The following SAMD4A variants were observed in gnomAD, a reference collection of about 807,000 sequenced individuals.
SAMD4A encodes sterile alpha motif domain containing 4A.
A neutral mutation model predicts 81.3 loss-of-function variants in SAMD4A; 33 were observed. The ratio of observed to expected loss-of-function variants is 0.41; its 90% confidence interval spans 0.31 to 0.54. The LOEUF is 0.54. Among genes scored for constraint, SAMD4A ranks in the 20% least tolerant of loss-of-function variants. The pLI is 0.37. For missense variants in SAMD4A, 854 were observed against 951.1 expected (o/e 0.90, Z 1.34); for synonymous variants, 389 against 382.1 (o/e 1.02, Z -0.21).
At chr14:54,751,661 T>C (rs1479172708) in intron 6 of SAMD4A, 124 bp downstream of exon 6, 1 of 715,892 alleles carries the variant, frequency 1.4e-6, no homozygotes, top group East Asian at 2.7e-5. Context: ...CTTACCAAAG[T>C]CAGAGAAAAC....
At chr14:54,634,738 TGTCTGTC>T (rs2034991524) in intron 2 of SAMD4A, among the ~76,000 whole-genome samples, 1 of 151,042 alleles carries the variant, frequency 6.6e-6, no homozygotes, top group Non-Finnish European at 1.5e-5. Flanking sequence ...TCTGTCTGTC[TGTCTGTC>T]TGTCTGTCTG....
chr14:54,698,522 C>A (rs1025852333), intron 2 of SAMD4A, among the ~76,000 whole-genome samples: 1 of 152,204 alleles, frequency 6.6e-6, no homozygotes, highest in South Asian at 2.1e-4. Context: ...ATAGGACCTA[C>A]CTCATAAGCT....
intron 2 of SAMD4A, among the ~76,000 whole-genome samples, chr14:54,687,564 A>G (rs2036307311): frequency 1.3e-5 from 2 of 152,216 alleles, no homozygotes; most frequent in South Asian, 4.1e-4. Flanking sequence ...GGTGACACAG[A>G]GCATCTGGGC....
chr14:54,737,273 G>A lies in SAMD4A; in HGVS notation c.965G>A (p.Gly322Asp). The part of the protein sequence containing the change: ...TTARNTFQEE[G>D]SGMKDVPAWL... The stretch of plus-strand genomic sequence containing the variant: ...GCTCGTAACACATTCCAAGAAGAAG[G>A]TAGTGGGATGAAAGGTGAGTGACTA... Residue 322 changes from glycine to aspartate, a missense_variant, in exon 4 of 13, where the codon GGT becomes GAT. By Grantham distance (94) the Gly-to-Asp change is moderately conservative. Around this residue, in one of 3 missense-constraint regions of SAMD4A, gnomAD observed 387 missense variants for 405.8 expected, o/e 0.95. Coordinates refer to ENST00000554335, the MANE Select transcript of SAMD4A (RefSeq NM_015589.6). 3.1e-6 allele frequency: 5 copies of A among 1,614,112 alleles called. No homozygotes were observed. Among genetic ancestry groups the A allele is most frequent in the Non-Finnish European group, 4.2e-6 (5 of 1,180,010 alleles).
chr14:54,620,728 A>G (rs545862918), intron 2 of SAMD4A, among the ~76,000 whole-genome samples: 2 of 152,322 alleles, frequency 1.3e-5, no homozygotes, highest in Admixed American at 6.5e-5. Flanking sequence ...GTAATTTAAA[A>G]TTGAACCTAG....
intron 2 of SAMD4A, among the ~76,000 whole-genome samples, chr14:54,682,345 C>T (rs9671848): frequency 0.018 from 2,713 of 152,254 alleles, 74 homozygotes; most frequent in African/African-American, 0.062. Context: ...TGAGCCATGC[C>T]TGTGTAGGAG....
chr14:54,736,947 A>T, intron 3 of SAMD4A, 77 bp from the exon 4 acceptor site: 1 of 1,506,354 alleles, frequency 6.6e-7, no homozygotes, highest in Non-Finnish European at 9.1e-7. Context: ...TCTCAGGGTT[A>T]AGAGGTATTG....
At chr14:54,632,758 A>G (rs538707266) in intron 2 of SAMD4A, among the ~76,000 whole-genome samples, 160 of 152,348 alleles carry the variant, frequency 1.1e-3, no homozygotes, top group African/African-American at 3.5e-3. Flanking sequence ...TTAGCTATGC[A>G]TCTTGGGTAA....
At chr14:54,731,749 G>A (rs1050131240) in intron 3 of SAMD4A, among the ~76,000 whole-genome samples, 6 of 152,188 alleles carry the variant, frequency 3.9e-5, no homozygotes, top group African/African-American at 1.4e-4. Flanking sequence ...TCATCTCTAT[G>A]TGGCTGGACT....
intron 2 of SAMD4A, among the ~76,000 whole-genome samples, chr14:54,679,247 G>A (rs1483642189): frequency 6.6e-6 from 1 of 152,212 alleles, no homozygotes; most frequent in Non-Finnish European, 1.5e-5. Flanking sequence ...CTGCTAGAAA[G>A]CAGACATTTA....
At chr14:54,765,482 G>C (rs969153182) in intron 8 of SAMD4A, among the ~76,000 whole-genome samples, 2 of 150,932 alleles carry the variant, frequency 1.3e-5, no homozygotes, top group Admixed American at 1.3e-4. Flanking sequence ...AAAAAGCCAG[G>C]TGTGGTGGCG....
chr14:54,634,099 A>G (rs1399116311), intron 2 of SAMD4A, among the ~76,000 whole-genome samples: 1 of 152,128 alleles, frequency 6.6e-6, no homozygotes, highest in East Asian at 1.9e-4. Context: ...CAGCCTGGCC[A>G]AGATGGTGAA....
At chr14:54,760,616 A>G (rs1208409720) in intron 7 of SAMD4A, 122 bp downstream of exon 7, 1 of 1,333,970 alleles carries the variant, frequency 7.5e-7, no homozygotes, top group African/African-American at 1.5e-5. Flanking sequence ...CATTAGCTTC[A>G]TCTTACAGAT....
At chr14:54,653,315 ATTAT>A (rs2035448683) in intron 2 of SAMD4A, among the ~76,000 whole-genome samples, 1 of 136,244 alleles carries the variant, frequency 7.3e-6, no homozygotes, top group African/African-American at 2.9e-5. Flanking sequence ...TATTATTATT[ATTAT>A]TATTATTATT....
chr14:54,657,303 A>G (rs553763350), intron 2 of SAMD4A, among the ~76,000 whole-genome samples: 2 of 152,332 alleles, frequency 1.3e-5, no homozygotes, highest in African/African-American at 4.8e-5. Flanking sequence ...TTCCTTCTGT[A>G]AGTAACACTG....
intron 2 of SAMD4A, among the ~76,000 whole-genome samples, chr14:54,584,778 G>A (rs2033569393): frequency 6.6e-6 from 1 of 152,042 alleles, no homozygotes; most frequent in Non-Finnish European, 1.5e-5. Flanking sequence ...GCATTAAATG[G>A]ATGAAATAGA....
chr14:54,592,003 T>C (rs919638038), intron 2 of SAMD4A, among the ~76,000 whole-genome samples: 2 of 152,106 alleles, frequency 1.3e-5, no homozygotes, highest in African/African-American at 4.8e-5. Context: ...TTCCTCCATG[T>C]GTGCGTGCCT....
At chr14:54,684,875 C>G (rs1340496224) in intron 2 of SAMD4A, among the ~76,000 whole-genome samples, 3 of 152,142 alleles carry the variant, frequency 2.0e-5, no homozygotes, top group Non-Finnish European at 4.4e-5. Context: ...TGCCTCAGGG[C>G]GGGACCTGGA....
At chr14:54,615,634 TA>T (rs1314843139) in intron 2 of SAMD4A, among the ~76,000 whole-genome samples, 1 of 152,252 alleles carries the variant, frequency 6.6e-6, no homozygotes, top group African/African-American at 2.4e-5. Context: ...ACAACCTATT[TA>T]TAAATGAACT....
Sources: allele counts gnomAD v4.1 joint callset (sites outside exome capture counted in the v4.1 genomes callset), GRCh38; gene constraint gnomAD v4.1.1; regional missense constraint gnomAD v4.1.1; transcripts MANE v1.5; gene names NCBI Gene and HGNC (gene_info 2026-07-23, HGNC 2026-07-21).